The following ARID1B variants were observed in gnomAD, a reference collection of about 807,000 sequenced individuals.
ARID1B encodes the protein AT-rich interactive domain-containing protein 1B.
ARID1B carries 30 observed loss-of-function variants against 212.3 expected under a neutral mutation model. That is an observed-to-expected ratio of 0.14 (90% CI 0.11 to 0.19). The LOEUF is 0.19. ARID1B is among the 10% of genes least tolerant of loss of function. The pLI, the probability that ARID1B is intolerant of heterozygous loss-of-function variation, is 1.00. For synonymous variants in ARID1B, 1,402 were observed against 1,301.7 expected, an observed-to-expected ratio of 1.08 and a Z score of -1.66; for missense variants, 2,891 against 3,204.0, an observed-to-expected ratio of 0.90 and a Z score of 2.36.
chr6:157,006,751 C>T (rs1779269793), intron 4 of ARID1B, among the ~76,000 whole-genome samples: 1 of 152,158 alleles, frequency 6.6e-6, no homozygotes, highest in African/African-American at 2.4e-5. Flanking sequence ...TGTGAAGAAG[C>T]TTTCAGCACA....
At chr6:156,894,286 C>CGGGGGGTTGGGATGGGGGCT (rs1788204217) in intron 2 of ARID1B, among the ~76,000 whole-genome samples, 2 of 24,148 alleles carry the variant, frequency 8.3e-5, no homozygotes, top group African/African-American at 2.8e-4. Flanking sequence ...GGATGGGGGC[C>CGGGGGGTTGGGATGGGGGCT]GGGGGGTTGG....
intron 9 of ARID1B, chr6:157,170,153 T>C (rs1385313360): frequency 6.6e-6 from 1 of 152,170 alleles, no homozygotes; most frequent in Non-Finnish European, 1.5e-5. Context: ...CGCAGGTAGT[T>C]TTCATGCATG....
At chr6:156,797,083 A>G (rs1446679782) in intron 1 of ARID1B, among the ~76,000 whole-genome samples, 3 of 152,186 alleles carry the variant, frequency 2.0e-5, no homozygotes, top group Non-Finnish European at 2.9e-5. Flanking sequence ...CCCTTTGTGT[A>G]TATACTTCCT....
chr6:156,826,339 C>T (rs1205488518), intron 1 of ARID1B, among the ~76,000 whole-genome samples: 1 of 152,196 alleles, frequency 6.6e-6, no homozygotes, highest in Admixed American at 6.5e-5. Context: ...CAGTGAGACA[C>T]CCTCTTCTCA....
intron 3 of ARID1B, among the ~76,000 whole-genome samples, chr6:156,923,212 T>C (rs545527426): frequency 6.6e-6 from 1 of 152,318 alleles, no homozygotes; most frequent in African/African-American, 2.4e-5. Flanking sequence ...AGATGCTAGG[T>C]AATGGAGTAA....
chr6:156,925,166 C>G (rs558146847), intron 3 of ARID1B, among the ~76,000 whole-genome samples: 1 of 152,252 alleles, frequency 6.6e-6, no homozygotes, highest in East Asian at 1.9e-4. Context: ...TCTTCCATAT[C>G]CCCTCAGGGT....
At chr6:156,936,971 TTGAATC>T (rs923526104) in intron 4 of ARID1B, 2 of 152,180 alleles carry the variant, frequency 1.3e-5, no homozygotes, top group Non-Finnish European at 2.9e-5. Context: ...TCTACTGTCT[TTGAATC>T]TGATGGATAT....
intron 1 of ARID1B, among the ~76,000 whole-genome samples, chr6:156,811,829 T>G (rs1781571622): frequency 1.3e-5 from 2 of 152,218 alleles, no homozygotes; most frequent in Non-Finnish European, 2.9e-5. Context: ...TGTAGCAGGC[T>G]AAGAAAGTCT....
rs1562336642 is a variant in ARID1B at position 157,190,234 on chromosome 6, CG to C, written c.4231+26del. 5.7e-6 allele frequency: 9 copies of C among 1,590,474 alleles called. No individual in the cohort carries two copies. The highest frequency in any genetic ancestry group is 6.0e-6 in the Non-Finnish European group (7 of 1,172,048). ...AGGTACGTGTAGAGGGGCCTCCACC[CG>C]GCCATGGACCAGTGGGCATTCTACT... On this transcript the variant is annotated intron_variant, in intron 15 of 19. Coordinates refer to ENST00000636930, the MANE Select transcript of ARID1B (RefSeq NM_001374828.1). The surrounding 1 kb of genome is among the most constrained non-coding windows in gnomAD (Gnocchi z 4.6).
intron 5 of ARID1B, among the ~76,000 whole-genome samples, chr6:157,089,899 C>A (rs1296155830): frequency 2.0e-5 from 3 of 151,116 alleles, no homozygotes; most frequent in Non-Finnish European, 4.4e-5. Context: ...TACACTGCTT[C>A]TTGGGTTATA....
At chr6:156,931,728 C>T (rs976255239) in intron 3 of ARID1B, among the ~76,000 whole-genome samples, 3 of 151,884 alleles carry the variant, frequency 2.0e-5, no homozygotes, top group Non-Finnish European at 4.4e-5. Flanking sequence ...TTTGAGAGGC[C>T]GAGGCAGGCT....
intron 7 of ARID1B, among the ~76,000 whole-genome samples, chr6:157,138,702 C>T (rs988225081): frequency 3.9e-5 from 6 of 152,128 alleles, no homozygotes; most frequent in African/African-American, 1.2e-4. Flanking sequence ...GGTCACTCGC[C>T]CTTCAGTGTG....
At chr6:156,883,948 C>T (rs1471425672) in intron 2 of ARID1B, among the ~76,000 whole-genome samples, 4 of 152,108 alleles carry the variant, frequency 2.6e-5, no homozygotes, top group African/African-American at 4.8e-5. Context: ...GCCAGAATCG[C>T]GGGACCCTCA....
chr6:157,068,528 G>C (rs1440917173), intron 4 of ARID1B, among the ~76,000 whole-genome samples: 1 of 152,204 alleles, frequency 6.6e-6, no homozygotes, highest in Non-Finnish European at 1.5e-5. Flanking sequence ...GTAGAAATTA[G>C]AAAACAAGAG....
At chr6:157,034,588 C>T (rs1028630038) in intron 4 of ARID1B, among the ~76,000 whole-genome samples, 1 of 152,116 alleles carries the variant, frequency 6.6e-6, no homozygotes, top group Non-Finnish European at 1.5e-5. Context: ...TGATTTCGGC[C>T]GGTAAGTTTA....
At chr6:156,896,576 C>CAAAAA (rs72490811) in intron 2 of ARID1B, among the ~76,000 whole-genome samples, 886 of 45,882 alleles carry the variant, frequency 0.019, 59 homozygotes, top group Non-Finnish European at 0.027. Flanking sequence ...AACTGCGTCT[C>CAAAAA]AAAAAAAAAA....
rs1789987002 is a variant in ARID1B at position 157,148,842 on chromosome 6, T to C, written c.2980T>C (p.Ser994Pro). ...SSMTPSSPGM[S>P]QQGGPGMGPP... ...CATGACCCCCAGTTCTCCTGGCATG[T>C]CTCAGCAGGGAGGGCCAGGAATGGG... is the stretch of plus-strand genomic sequence containing the variant. Residue 994 changes from serine (S) to proline (P), a missense_variant, in exon 8 of 20, where the codon TCT (serine) becomes CCT (proline). Physicochemically the swap from Ser to Pro is moderately conservative, Grantham distance 74. This residue lies in a region of ARID1B where 1,643 missense variants were observed against 1,544.0 expected (regional missense o/e 1.06). Transcript: ENST00000636930. This position sits in a 1 kb window ranked among gnomAD's most constrained non-coding sequence, Gnocchi z 5.6. The C allele has an allele frequency of 6.2e-7, 1 of 1,612,988 alleles. No homozygotes were observed. The highest frequency in any genetic ancestry group is 1.3e-5 in the African/African-American group (1 of 75,046).
At chr6:156,892,043 CTTTT>C (rs1047406340) in intron 2 of ARID1B, among the ~76,000 whole-genome samples, 1 of 115,168 alleles carries the variant, frequency 8.7e-6, no homozygotes, top group Admixed American at 8.9e-5. Flanking sequence ...AGCGAATTTT[CTTTT>C]TTTTTTTTTT....
intron 2 of ARID1B, among the ~76,000 whole-genome samples, chr6:156,860,187 C>T (rs544184119): frequency 1.3e-5 from 2 of 152,114 alleles, no homozygotes; most frequent in South Asian, 4.2e-4. Context: ...TTTTTAATGC[C>T]GTATGCTTAG....
Sources: gnomAD v4.1 joint callset for allele counts (sites outside exome capture counted in the v4.1 genomes callset) on GRCh38, gnomAD v4.1.1 for gene constraint, gnomAD v4.1.1 regional missense constraint, Gnocchi (gnomAD v3.1) non-coding constraint, MANE v1.5 for transcripts, NCBI Gene and HGNC (gene_info 2026-07-23, HGNC 2026-07-21) for gene names.